The following LETM1 variants were observed in gnomAD, a reference collection of about 807,000 sequenced individuals.
LETM1 encodes leucine zipper and EF-hand containing transmembrane protein 1, also known as mitochondrial proton/calcium exchanger protein.
A neutral mutation model predicts 74.5 loss-of-function variants in LETM1; 50 were observed. The ratio of observed to expected loss-of-function variants is 0.67; its 90% confidence interval spans 0.53 to 0.85. The LOEUF (loss-of-function observed/expected upper bound fraction) is 0.85, where lower values mean the gene tolerates loss of function less well. Among genes scored for constraint, LETM1 ranks in the 40% least tolerant of loss-of-function variants. The pLI is 0.00. For missense variants in LETM1, 824 were observed against 967.8 expected (o/e 0.85, Z 1.97); for synonymous variants, 446 against 407.1 (o/e 1.10, Z -1.15).
intron 3 of LETM1, among the ~76,000 whole-genome samples, chr4:1,838,445 G>A (rs1257918918): frequency 6.6e-6 from 1 of 152,140 alleles, no homozygotes; most frequent in African/African-American, 2.4e-5. Context: ...GGGAGGCCGA[G>A]GCAGCAGGAC....
intron 2 of LETM1, among the ~76,000 whole-genome samples, chr4:1,846,059 G>A (rs1413113851): frequency 6.6e-6 from 1 of 151,942 alleles, no homozygotes; most frequent in Non-Finnish European, 1.5e-5. Context: ...GTTTCACCAT[G>A]TTGGCCAGGC....
chr4:1,850,306 TA>T (rs1049915442), intron 1 of LETM1, among the ~76,000 whole-genome samples: 68 of 152,048 alleles, frequency 4.5e-4, no homozygotes, highest in Non-Finnish European at 8.5e-4. Flanking sequence ...AAAGTAGTCC[TA>T]AAAAAAGATG....
In LETM1 at chr4:1,836,362, A is replaced by G; in HGVS notation, c.738+67T>C. ...AATATCTAGCACCTGAAAAGTCACA[A>G]ACAAGGAAGCCATCACAATGAATTT... On this transcript the variant is annotated intron_variant, in intron 4 of 13. Transcript: ENST00000302787. This position sits in a 1 kb window ranked among gnomAD's most constrained non-coding sequence, Gnocchi z 5.8. 1.3e-6 allele frequency: 2 copies of G among 1,543,208 alleles called. No individual in the cohort carries two copies. The highest frequency in any genetic ancestry group is 2.2e-5 in the South Asian group (2 of 89,246).
chr4:1,828,358 C>G (rs1296881290), intron 6 of LETM1, among the ~76,000 whole-genome samples: 2 of 95,556 alleles, frequency 2.1e-5, no homozygotes, highest in East Asian at 3.6e-4. Flanking sequence ...CCGGACGGGG[C>G]GGCTGGCCGG....
chr4:1,841,587 C>T lies in LETM1; in HGVS notation c.354G>A (p.Ser118=), dbSNP rs759752511. The T allele has an allele frequency of 8.1e-6, 13 of 1,614,044 alleles. No individual in the cohort carries two copies. The highest frequency in any genetic ancestry group is 5.0e-5 in the Admixed American group (3 of 60,010). The change falls in exon 3 of 14, where the codon TCG becomes TCA. Residue 118 remains serine, a synonymous_variant. Coordinates refer to ENST00000302787, the MANE Select transcript of LETM1 (RefSeq NM_012318.3). The part of the protein sequence containing the change: ...WHSSRPVRDD[S]VVEKSLKSLK... Reference sequence around the variant, plus strand: ...AGGACTTGAGGGACTTCTCTACTACCGAGTCATCGCGAACAGGGCGCGAAG... The same window carrying T: ...AGGACTTGAGGGACTTCTCTACTACTGAGTCATCGCGAACAGGGCGCGAAG...
intron 6 of LETM1, among the ~76,000 whole-genome samples, chr4:1,826,980 C>T (rs983273478): frequency 7.9e-5 from 12 of 152,080 alleles, no homozygotes; most frequent in African/African-American, 2.4e-4. Context: ...CGCCTCCACT[C>T]GCATCGTCGC....
intron 8 of LETM1, 109 bp from the exon 9 acceptor site, chr4:1,823,240 T>C: frequency 1.5e-6 from 2 of 1,349,498 alleles, no homozygotes; most frequent in African/African-American, 1.5e-5. Context: ...CCACCTGGGC[T>C]TCACACACAC....
intron 2 of LETM1, among the ~76,000 whole-genome samples, chr4:1,848,715 C>CAAAAAAAAAAA (rs927486416): frequency 1.4e-4 from 6 of 43,876 alleles, no homozygotes; most frequent in Admixed American, 2.8e-4. Context: ...GGCTCTGTCT[C>CAAAAAAAAAAA]AAAAAAAAAA....
intron 10 of LETM1, among the ~76,000 whole-genome samples, chr4:1,820,748 GCA>G: frequency 6.6e-6 from 1 of 152,292 alleles, no homozygotes; most frequent in East Asian, 1.9e-4. Context: ...TTTTGGCCAG[GCA>G]CAGTGGCTCA....
At position 1,834,964 on chromosome 4, in the gene LETM1, C is replaced by G; in HGVS notation, c.757G>C (p.Glu253Gln). 1 of 1,614,038 alleles carries G rather than the reference C, an allele frequency of 6.2e-7. No individual in the cohort carries two copies. Among genetic ancestry groups the G allele is most frequent in the Non-Finnish European group, 8.5e-7 (1 of 1,179,972 alleles). Residue 253 changes from glutamate to glutamine, a missense_variant, in exon 5 of 14, where the codon GAG becomes CAG. Physicochemically the swap from Glu to Gln is conservative, Grantham distance 29 (BLOSUM62 2). This residue lies in a region of LETM1 where 269 missense variants were observed against 348.8 expected (regional missense o/e 0.77). Coordinates refer to ENST00000302787, the MANE Select transcript of LETM1 (RefSeq NM_012318.3). The surrounding 1 kb of genome is among the most constrained non-coding windows in gnomAD (Gnocchi z 5.0). ...GCCAGCTCCAGCTTGACCCGAAGCT[C>G]CTTCTTCAGCCTCTCCTCCTGCAAG... ...QSLKEERLKK[E>Q]LRVKLELAKF...
In LETM1 at chr4:1,826,779, C is replaced by A. The variant is rs549747068; in HGVS notation, c.1081-1096G>T. 2.0e-5 allele frequency among the ~76,000 whole-genome samples: 3 copies of A among 152,388 alleles called. No individual in the cohort carries two copies. The South Asian group carries it at 6.2e-4, about 32-fold the overall frequency. ...CTGTCTGCTTTCTTCTCCCTGTCCT[C>A]CTGGGGGCTGGCTGGCCTCCGTTTG... On this transcript the variant is annotated intron_variant, in intron 6 of 13. Transcript: ENST00000302787.
At chr4:1,825,753 C>G (rs1711966480) in intron 6 of LETM1, 70 bp from the exon 7 acceptor site, 1 of 1,505,644 alleles carries the variant, frequency 6.6e-7, no homozygotes, top group African/African-American at 1.4e-5. Flanking sequence ...TGTGAACACC[C>G]TCCAGAATAA....
At chr4:1,851,553 AG>A (rs1373161646) in intron 1 of LETM1, among the ~76,000 whole-genome samples, 1 of 152,226 alleles carries the variant, frequency 6.6e-6, no homozygotes, top group African/African-American at 2.4e-5. Flanking sequence ...AGCTGGGTTA[AG>A]GGGAAAATGT....
intron 5 of LETM1, chr4:1,833,349 G>T: frequency 3.9e-6 from 1 of 255,832 alleles, no homozygotes; most frequent in South Asian, 4.9e-5. Flanking sequence ...TTCTGACTCC[G>T]GTGCTGGGCT....
Position 1,815,726 on chromosome 4 carries a change from T to C in LETM1, c.2008A>G (p.Ser670Gly), listed in dbSNP as rs747741893. The C allele has an allele frequency of 1.2e-6, 2 of 1,614,252 alleles. No individual in the cohort carries two copies. Among genetic ancestry groups the C allele is most frequent in the Non-Finnish European group, 1.7e-6 (2 of 1,180,036 alleles). Residue 670 changes from serine to glycine, a missense_variant, in exon 13 of 14, where the codon AGC becomes GGC. By Grantham distance (56) the Ser-to-Gly change is moderately conservative. This residue lies in a region of LETM1 where 161 missense variants were observed against 252.7 expected (regional missense o/e 0.64). Coordinates refer to ENST00000302787, the MANE Select transcript of LETM1 (RefSeq NM_012318.3). ...VKHIPESKLT[S>G]LAAALDENKD... ...TTTTCATCCAGTGCTGCGGCCAGGC[T>C]GGTGAGCTTGCTTTCGGGAATGTGC...
At chr4:1,829,415 C>T (rs1158889646) in intron 6 of LETM1, among the ~76,000 whole-genome samples, 1 of 152,250 alleles carries the variant, frequency 6.6e-6, no homozygotes, top group Non-Finnish European at 1.5e-5. Context: ...CAACCTCCCT[C>T]CCGGACAGTT....
chr4:1,822,451 G>A, intron 9 of LETM1, 139 bp from the exon 10 acceptor site: 3 of 1,025,430 alleles, frequency 2.9e-6, no homozygotes, highest in Non-Finnish European at 3.8e-6. Context: ...ACCTGCCACA[G>A]AAGGTCCCTA....
intron 2 of LETM1, among the ~76,000 whole-genome samples, chr4:1,843,732 T>G (rs1199046796): frequency 6.6e-6 from 1 of 152,056 alleles, no homozygotes; most frequent in East Asian, 1.9e-4. Flanking sequence ...CTTCAGACTC[T>G]CTCCAGGCGC....
intron 6 of LETM1, among the ~76,000 whole-genome samples, chr4:1,826,328 C>G (rs549833167): frequency 6.6e-6 from 1 of 152,364 alleles, no homozygotes; most frequent in South Asian, 2.1e-4. Context: ...GTGGGGTAGA[C>G]AGTACCACCA....
Sources: gnomAD v4.1 joint callset for allele counts (sites outside exome capture counted in the v4.1 genomes callset) on GRCh38, gnomAD v4.1.1 for gene constraint, gnomAD v4.1.1 regional missense constraint, Gnocchi (gnomAD v3.1) non-coding constraint, MANE v1.5 for transcripts, NCBI Gene and HGNC (gene_info 2026-07-23, HGNC 2026-07-21) for gene names.